ZNF212: variants seen among roughly 807,000 people sequenced by gnomAD.
ZNF212 encodes the protein zinc finger protein 212, also known as Zinc finger protein C2H2-150.
ZNF212 carries 32 observed loss-of-function variants against 47.3 expected under a neutral mutation model. The ratio of observed to expected loss-of-function variants is 0.68; its 90% CI spans 0.51 to 0.91. ZNF212 has a LOEUF of 0.91. ZNF212 is among the 40% of genes least tolerant of loss of function. ZNF212 has a pLI of 0.00. For synonymous variants in ZNF212, 242 were observed against 253.8 expected, an observed-to-expected ratio of 0.95 and a Z score of 0.44; for missense variants, 555 against 622.8, an observed-to-expected ratio of 0.89 and a Z score of 1.16.
intron 4 of ZNF212, among the ~76,000 whole-genome samples, chr7:149,253,248 A>G (rs1796783825): frequency 6.6e-6 from 1 of 152,210 alleles, no homozygotes; most frequent in African/African-American, 2.4e-5. Context: ...AATTGAGTAT[A>G]GTTGTTACAG....
In ZNF212 at chr7:149,253,465, G is replaced by C. The variant is rs541437490; in HGVS notation, c.632-94G>C. 33 of 1,457,278 alleles carry C rather than the reference G, an allele frequency of 2.3e-5. No individual in the cohort carries two copies. In the East Asian group the frequency reaches 3.9e-4, roughly 17 times the overall value. 90.3% of individuals were successfully genotyped at this position (1,457,278 alleles called of 1,614,324 possible). On this transcript the variant is annotated intron_variant, in intron 4 of 4. Transcript: ENST00000335870. ...GTTATCCTAATTCACTTATTCCTGG[G>C]GTGCTTCTGAAATTCACAGATGTTT...
Position 149,253,851 on chromosome 7 carries a change from G to T in ZNF212, c.924G>T (p.Leu308=), listed in dbSNP as rs1260447858. ...LDQECGQGLK[L]KKDTSRPYEC... is the part of the protein sequence containing the mutation. ...AGGAATGTGGGCAGGGCCTGAAGCT[G>T]AAAAAGGACACTTCCCGCCCCTACG... The change falls in exon 5 of 5, where the codon CTG becomes CTT. Residue 308 remains leucine (L), a synonymous_variant. Transcript: ENST00000335870. 2 of 1,613,884 alleles carry T rather than the reference G, an allele frequency of 1.2e-6. No individual in the cohort carries two copies. Among genetic ancestry groups the T allele is most frequent in the African/African-American group, 2.7e-5 (2 of 74,924 alleles).
intron 1 of ZNF212, among the ~76,000 whole-genome samples, chr7:149,249,920 C>G (rs1476620926): frequency 2.6e-5 from 4 of 152,190 alleles, no homozygotes; most frequent in Admixed American, 2.6e-4. Context: ...TGAGCCACCA[C>G]GGCCAGCCCT....
At chr7:149,250,864 G>A in intron 3 of ZNF212, 57 bp downstream of exon 3, 3 of 1,604,690 alleles carry the variant, frequency 1.9e-6, no homozygotes, top group Non-Finnish European at 2.6e-6. Flanking sequence ...ATTCCTGGCT[G>A]GCAGCCTGTA....
intron 1 of ZNF212, among the ~76,000 whole-genome samples, chr7:149,249,204 T>A (rs1205933218): frequency 6.6e-6 from 1 of 152,216 alleles, no homozygotes; most frequent in African/African-American, 2.4e-5. Context: ...GTGAAAATTA[T>A]AAGGAAAATG....
At chr7:149,242,546 CAAATT>C (rs1226110253) in intron 1 of ZNF212, among the ~76,000 whole-genome samples, 2 of 151,854 alleles carry the variant, frequency 1.3e-5, no homozygotes, top group Non-Finnish European at 1.5e-5. Flanking sequence ...CATTTTTAGA[CAAATT>C]AAAAATGACA....
At position 149,254,470 on chromosome 7, in the gene ZNF212, G is replaced by C; in HGVS notation, c.*55G>C. 6.5e-7 allele frequency: 1 copy of C among 1,532,900 alleles called. No individual in the cohort carries two copies. The highest frequency in any genetic ancestry group is 8.7e-7 in the Non-Finnish European group (1 of 1,150,502). 95.0% of individuals were successfully genotyped at this position (1,532,900 alleles called of 1,614,324 possible). On this transcript the variant is annotated 3_prime_UTR_variant, in exon 5 of 5. Coordinates refer to ENST00000335870, the MANE Select transcript of ZNF212 (RefSeq NM_012256.4). The surrounding 1 kb of genome is among the most constrained non-coding windows in gnomAD (Gnocchi z 4.5). ...GGAGGGGGGTGGCATTGGTTCCCCC[G>C]AAGAGACACTGCAGTCAGGGACTGA...
chr7:149,242,131 C>T (rs1364325060), intron 1 of ZNF212, among the ~76,000 whole-genome samples: 1 of 149,702 alleles, frequency 6.7e-6, no homozygotes, highest in Non-Finnish European at 1.5e-5. Context: ...AAGCGATTCT[C>T]CTGCCTCAGC....
chr7:149,249,631 TTCTTTTTCTTTTTTGAG>T (rs368029218), intron 1 of ZNF212, among the ~76,000 whole-genome samples: 2,791 of 152,260 alleles, frequency 0.018, 87 homozygotes, highest in African/African-American at 0.064. Context: ...GCTTCTTTCT[TTCTTTTTCTTTTTTGAG>T]ACAGGGTCTC....
At chr7:149,249,570 A>G (rs910033645) in intron 1 of ZNF212, among the ~76,000 whole-genome samples, 2 of 151,990 alleles carry the variant, frequency 1.3e-5, no homozygotes, top group African/African-American at 2.4e-5. Context: ...GTTGAAAAAA[A>G]ATAAACTAAA....
chr7:149,239,786 A>T lies in ZNF212; in HGVS notation c.8A>T (p.Glu3Val). The change falls in exon 1 of 5, where the codon GAG (glutamate) becomes GTG (valine). Residue 3 changes from glutamate to valine, a missense_variant. By Grantham distance (121) the Glu-to-Val change is moderately radical. Coordinates refer to ENST00000335870, the MANE Select transcript of ZNF212 (RefSeq NM_012256.4). MA[E>V]SAPARHRRKR... Reference sequence around the variant, plus strand: ...TGAGGGGCGACTGGAGCCATGGCGGAGTCGGCGCCTGCTCGGGTAAAGAGG... The same window carrying T: ...TGAGGGGCGACTGGAGCCATGGCGGTGTCGGCGCCTGCTCGGGTAAAGAGG... 6 of 1,275,636 alleles carry T rather than the reference A, an allele frequency of 4.7e-6. No homozygotes were observed. The highest frequency in any genetic ancestry group is 6.0e-6 in the Non-Finnish European group (6 of 1,003,250). The allele number at this position is 1,275,636 out of a possible 1,614,324, so 79.0% of individuals were successfully genotyped here.
At chr7:149,247,788 T>C (rs1247795776) in intron 1 of ZNF212, among the ~76,000 whole-genome samples, 1 of 152,184 alleles carries the variant, frequency 6.6e-6, no homozygotes, top group Non-Finnish European at 1.5e-5. Context: ...ATAAGTCCAG[T>C]CTCTGCCTTA....
rs768185466 is a variant in ZNF212 at position 149,254,428 on chromosome 7, T to G, written c.*13T>G. On this transcript the variant is annotated 3_prime_UTR_variant, in exon 5 of 5. Transcript: ENST00000335870. This position sits in a 1 kb window ranked among gnomAD's most constrained non-coding sequence, Gnocchi z 4.5. ...TGGCCTGCTTTAAGGGTGCAGCCCCTCGCCCGTCTGGGGGATGGAGGGGGG... is the reference window on the plus strand; with the variant it reads ...TGGCCTGCTTTAAGGGTGCAGCCCCGCGCCCGTCTGGGGGATGGAGGGGGG... 2 of 1,577,712 alleles carry G rather than the reference T, an allele frequency of 1.3e-6. No individual in the cohort carries two copies. Among genetic ancestry groups the G allele is most frequent in the South Asian group, 2.3e-5 (2 of 87,326 alleles).
intron 1 of ZNF212, among the ~76,000 whole-genome samples, chr7:149,243,730 G>A (rs1796633663): frequency 6.6e-6 from 1 of 152,124 alleles, no homozygotes; most frequent in African/African-American, 2.4e-5. Flanking sequence ...AAGATTCACT[G>A]TTATAATAGG....
intron 1 of ZNF212, among the ~76,000 whole-genome samples, chr7:149,246,351 C>T (rs1022320571): frequency 2.6e-5 from 4 of 151,678 alleles, no homozygotes; most frequent in Non-Finnish European, 5.9e-5. Flanking sequence ...TTCCATCATC[C>T]AAGAAAGTTC....
At chr7:149,239,962 C>T (rs1796563526) in intron 1 of ZNF212, 160 bp downstream of exon 1, 1 of 843,012 alleles carries the variant, frequency 1.2e-6, no homozygotes, top group Non-Finnish European at 1.6e-6. Context: ...GACCCCAGTG[C>T]TCTGCCCTTT....
Position 149,250,327 on chromosome 7 carries a change from C to T in ZNF212, c.193C>T (p.Leu65=), listed in dbSNP as rs992069200. 3.7e-6 allele frequency: 6 copies of T among 1,613,874 alleles called. No individual in the cohort carries two copies. In the Admixed American group the frequency reaches 1.0e-4, roughly 27 times the overall value. The change falls in exon 2 of 5, where the codon CTG becomes TTG. Residue 65 remains leucine, a synonymous_variant. Coordinates refer to ENST00000335870, the MANE Select transcript of ZNF212 (RefSeq NM_012256.4). ...GTCCCAGGCTGCCCGGCTACAGAGC[C>T]TGGAGGGGCGCACGGGGACAGCCGA... ...MESQAARLQS[L]EGRTGTAEKK...
At position 149,254,803 on chromosome 7, in the gene ZNF212, G is replaced by A. The variant is rs1347431531; in HGVS notation, c.*388G>A. The stretch of plus-strand genomic sequence containing the variant: ...GTGAGCAGCTGCCTGGAAGAGTTCT[G>A]GGAAGTATAACCCTCCATTTTTTCT... On this transcript the variant is annotated 3_prime_UTR_variant, in exon 5 of 5. Transcript: ENST00000335870. This position sits in a 1 kb window ranked among gnomAD's most constrained non-coding sequence, Gnocchi z 4.5. 4.7e-6 allele frequency: 1 copy of A among 211,948 alleles called. No individual in the cohort carries two copies. Among genetic ancestry groups the A allele is most frequent in the African/African-American group, 2.3e-5 (1 of 43,448 alleles). The allele number at this position is 211,948 out of a possible 1,614,324, so 13.1% of individuals were successfully genotyped here.
intron 1 of ZNF212, among the ~76,000 whole-genome samples, chr7:149,248,809 C>T (rs1302840319): frequency 6.6e-6 from 1 of 152,182 alleles, no homozygotes; most frequent in Non-Finnish European, 1.5e-5. Context: ...TGTATTTAAG[C>T]TTTTGTCTCA....
Sources: allele counts gnomAD v4.1 joint callset (sites outside exome capture counted in the v4.1 genomes callset), GRCh38; gene constraint gnomAD v4.1.1; non-coding constraint Gnocchi (gnomAD v3.1); transcripts MANE v1.5; gene names NCBI Gene and HGNC (gene_info 2026-07-23, HGNC 2026-07-21).